Variants in THSD4 observed in about 807,000 individuals in gnomAD.
The protein encoded by THSD4 is thrombospondin type 1 domain containing 4.
A neutral mutation model predicts 119.0 loss-of-function variants in THSD4; 69 were observed. That is an observed-to-expected ratio of 0.58 (90% confidence interval 0.48 to 0.71). The LOEUF is 0.71. THSD4 is among the 30% of genes least tolerant of loss of function. THSD4 has a pLI of 0.00. For missense variants in THSD4, 1,393 were observed against 1,391.1 expected, an observed-to-expected ratio of 1.00 and a Z score of -0.02; for synonymous variants, 524 against 540.4, an observed-to-expected ratio of 0.97 and a Z score of 0.42.
intron 6 of THSD4, among the ~76,000 whole-genome samples, chr15:71,284,733 A>G (rs1053630392): frequency 1.3e-5 from 2 of 152,214 alleles, no homozygotes. Flanking sequence ...CTATGAAAGA[A>G]AAAAGTTTCC....
At chr15:71,314,285 A>C (rs997459375) in intron 6 of THSD4, among the ~76,000 whole-genome samples, 2 of 152,088 alleles carry the variant, frequency 1.3e-5, no homozygotes, top group Non-Finnish European at 2.9e-5. Context: ...ATAAGTTACT[A>C]TAAGAAAATA....
chr15:71,353,123 A>C (rs573436223), intron 6 of THSD4, among the ~76,000 whole-genome samples: 1 of 152,224 alleles, frequency 6.6e-6, no homozygotes, highest in African/African-American at 2.4e-5. Flanking sequence ...TGTAGTGATC[A>C]TGCATCCCAG....
chr15:71,442,678 A>G (rs370004468), intron 7 of THSD4, among the ~76,000 whole-genome samples: 14,031 of 87,942 alleles, frequency 0.16, 3,126 homozygotes, highest in East Asian at 0.3. Context: ...ATATATATAT[A>G]TATATATATA....
chr15:71,611,098 A>T (rs2050215914), intron 7 of THSD4, among the ~76,000 whole-genome samples: 1 of 152,230 alleles, frequency 6.6e-6, no homozygotes, highest in Non-Finnish European at 1.5e-5. Flanking sequence ...TTAAAATAAA[A>T]ATCACTGGAC....
chr15:71,387,206 TA>T (rs58060322), intron 6 of THSD4, among the ~76,000 whole-genome samples: 6,117 of 147,010 alleles, frequency 0.042, 155 homozygotes, highest in East Asian at 0.099. Context: ...TCATTAACGT[TA>T]AAAAAAAAAA....
chr15:71,658,666 C>T (rs1279544428), intron 7 of THSD4, among the ~76,000 whole-genome samples: 1 of 152,130 alleles, frequency 6.6e-6, no homozygotes, highest in African/African-American at 2.4e-5. Context: ...ACATGGAAAA[C>T]ATATTCCTTA....
At chr15:71,402,466 C>G (rs1350197858) in intron 6 of THSD4, among the ~76,000 whole-genome samples, 3 of 152,088 alleles carry the variant, frequency 2.0e-5, no homozygotes, top group African/African-American at 2.4e-5. Flanking sequence ...AGATTTGTGC[C>G]CAGTGTTCCT....
chr15:71,442,587 T>TAG (rs2047114988), intron 7 of THSD4, among the ~76,000 whole-genome samples: 1 of 30,186 alleles, frequency 3.3e-5, no homozygotes, highest in Non-Finnish European at 9.9e-5. Flanking sequence ...AAAATATATA[T>TAG]ATATATATAT....
intron 6 of THSD4, among the ~76,000 whole-genome samples, chr15:71,364,116 C>T (rs1489495336): frequency 6.6e-6 from 1 of 152,100 alleles, no homozygotes; most frequent in African/African-American, 2.4e-5. Flanking sequence ...CCAGAAGTAA[C>T]CTAGTTGAGG....
rs549486680 is a variant in THSD4 at position 71,581,856 on chromosome 15, G to A, written c.1153-78674G>A. The stretch of plus-strand genomic sequence containing the variant: ...TGTGGGTTTATTTCTGGGCTATTCC[G>A]TTCCATTGGTCTATAAGTCTGTTTC... On this transcript the variant is annotated intron_variant, in intron 7 of 17. Coordinates refer to ENST00000261862, the MANE Select transcript of THSD4 (RefSeq NM_024817.3). Among the ~76,000 whole-genome samples the A allele has an allele frequency of 4.5e-4, 69 of 152,176 alleles. 1 individual carries two copies. In the South Asian group the frequency reaches 0.012, roughly 26 times the overall value.
At chr15:71,596,656 C>T (rs34942640) in intron 7 of THSD4, among the ~76,000 whole-genome samples, 1 of 152,026 alleles carries the variant, frequency 6.6e-6, no homozygotes, top group Non-Finnish European at 1.5e-5. Context: ...CTAGGTTGAT[C>T]CTAAAGACAA....
At chr15:71,662,773 G>A (rs2051336498) in intron 8 of THSD4, among the ~76,000 whole-genome samples, 1 of 152,172 alleles carries the variant, frequency 6.6e-6, no homozygotes, top group South Asian at 2.1e-4. Flanking sequence ...AAGTAGTCAT[G>A]CGATTCAATA....
chr15:71,547,341 T>G (rs906725895), intron 7 of THSD4: 1 of 1,543,938 alleles, frequency 6.5e-7, no homozygotes, highest in African/African-American at 1.4e-5. Flanking sequence ...GAGACACAAG[T>G]GCATCTGCTA....
intron 6 of THSD4, among the ~76,000 whole-genome samples, chr15:71,297,614 G>A (rs538719438): frequency 1.3e-5 from 2 of 152,072 alleles, no homozygotes; most frequent in Non-Finnish European, 2.9e-5. Flanking sequence ...GATTACAGAC[G>A]TGAGCTACCA....
At chr15:71,743,483 G>T (rs2053275443) in intron 11 of THSD4, among the ~76,000 whole-genome samples, 1 of 152,200 alleles carries the variant, frequency 6.6e-6, no homozygotes, top group African/African-American at 2.4e-5. Context: ...ACTGCACAGT[G>T]TACTTAATGT....
intron 6 of THSD4, among the ~76,000 whole-genome samples, chr15:71,262,020 C>A (rs2044405861): frequency 6.6e-6 from 1 of 152,154 alleles, no homozygotes; most frequent in African/African-American, 2.4e-5. Flanking sequence ...ACTGCTAATG[C>A]TTCTGCAGGG....
At chr15:71,171,062 G>A (rs527916697) in intron 3 of THSD4, among the ~76,000 whole-genome samples, 7 of 152,074 alleles carry the variant, frequency 4.6e-5, no homozygotes, top group African/African-American at 1.7e-4. Context: ...ACAACTTCAG[G>A]TTGGCTAATA....
At chr15:71,481,618 CT>C (rs2047731017) in intron 7 of THSD4, among the ~76,000 whole-genome samples, 1 of 152,034 alleles carries the variant, frequency 6.6e-6, no homozygotes, top group Admixed American at 6.6e-5. Context: ...CTTTTTGCCC[CT>C]CTTCATGCTC....
At chr15:71,488,455 A>G (rs1425766193) in intron 7 of THSD4, among the ~76,000 whole-genome samples, 2 of 152,202 alleles carry the variant, frequency 1.3e-5, no homozygotes, top group African/African-American at 4.8e-5. Context: ...TTTCCATTCT[A>G]TCCTGTGCTC....
Sources: allele counts gnomAD v4.1 joint callset (sites outside exome capture counted in the v4.1 genomes callset), GRCh38; gene constraint gnomAD v4.1.1; transcripts MANE v1.5; gene names NCBI Gene and HGNC (gene_info 2026-07-23, HGNC 2026-07-21).